The following PSTPIP2 variants were observed in gnomAD, a reference collection of about 807,000 sequenced individuals.
PSTPIP2 encodes proline-serine-threonine phosphatase interacting protein 2, also known as proline-serine-threonine phosphatase-interacting protein 2.
A neutral mutation model predicts 63.3 loss-of-function variants in PSTPIP2; 33 were observed. The ratio of observed to expected loss-of-function variants is 0.52; its 90% CI spans 0.40 to 0.70. The LOEUF is 0.70. PSTPIP2 is among the 30% of genes least tolerant of loss of function. PSTPIP2 has a pLI of 0.00. For synonymous variants in PSTPIP2, 125 were observed against 132.7 expected (o/e 0.94, Z 0.40); for missense variants, 312 against 400.7 (o/e 0.78, Z 1.89).
chr18:46,041,183 T>C (rs1051909902), intron 1 of PSTPIP2: 6 of 404,436 alleles, frequency 1.5e-5, no homozygotes, highest in Non-Finnish European at 2.9e-5. Flanking sequence ...CTGGGAAGCA[T>C]GAAACATGCT....
chr18:45,998,856 A>G lies in PSTPIP2; in HGVS notation c.517-17T>C. 6.2e-7 allele frequency: 1 copy of G among 1,613,872 alleles called. No homozygotes were observed. The highest frequency in any genetic ancestry group is 8.5e-7 in the Non-Finnish European group (1 of 1,180,002). On this transcript the variant is annotated splice_polypyrimidine_tract_variant and intron_variant, in intron 7 of 14. Coordinates refer to ENST00000409746, the MANE Select transcript of PSTPIP2 (RefSeq NM_024430.4). ...CACAAAAAGCTGTGAAAACAAACAAACAAACAAAAAAAGAGCAAGCATTGG... is the reference window on the plus strand; with the variant it reads ...CACAAAAAGCTGTGAAAACAAACAAGCAAACAAAAAAAGAGCAAGCATTGG...
intron 4 of PSTPIP2, among the ~76,000 whole-genome samples, chr18:46,011,743 G>C (rs1007568029): frequency 6.6e-6 from 1 of 152,216 alleles, no homozygotes. Context: ...TCTCTGGGTA[G>C]AAAGATTATT....
intron 14 of PSTPIP2, among the ~76,000 whole-genome samples, chr18:45,987,891 G>A (rs998560447): frequency 3.9e-5 from 6 of 152,146 alleles, no homozygotes; most frequent in Admixed American, 1.3e-4. Flanking sequence ...TTCAGTCCTC[G>A]TCTAAGAATC....
At chr18:46,063,898 T>C (rs926766672) in intron 1 of PSTPIP2, among the ~76,000 whole-genome samples, 1 of 152,188 alleles carries the variant, frequency 6.6e-6, no homozygotes, top group African/African-American at 2.4e-5. Context: ...ACACTGAGAA[T>C]AGGCCCACTC....
At chr18:46,006,733 C>G (rs925415990) in intron 5 of PSTPIP2, among the ~76,000 whole-genome samples, 1 of 152,040 alleles carries the variant, frequency 6.6e-6, no homozygotes, top group Non-Finnish European at 1.5e-5. Flanking sequence ...GGAGTAAATT[C>G]TTTATTGTGG....
intron 3 of PSTPIP2, among the ~76,000 whole-genome samples, chr18:46,020,187 G>A (rs558318254): frequency 3.9e-5 from 6 of 152,284 alleles, no homozygotes; most frequent in South Asian, 2.1e-4. Context: ...GAATGGTGGC[G>A]TAACAACATT....
intron 13 of PSTPIP2, among the ~76,000 whole-genome samples, chr18:45,989,316 A>G (rs1179450119): frequency 6.6e-6 from 1 of 151,982 alleles, no homozygotes; most frequent in Non-Finnish European, 1.5e-5. Flanking sequence ...TTCCCCCACA[A>G]TGTTGTCCTG....
chr18:45,986,890 T>G lies in PSTPIP2; in HGVS notation c.*9-1440A>C, dbSNP rs187234335. Among the ~76,000 whole-genome samples the G allele has an allele frequency of 3.5e-4, 53 of 152,284 alleles. No homozygotes were observed. In the South Asian group the frequency reaches 4.4e-3, roughly 13 times the overall value. On this transcript the variant is annotated intron_variant, in intron 14 of 14. Transcript: ENST00000409746. ...TCTTGCTCTGTCGCCCAGGCTGGAG[T>G]GCAGTGGCGCAATCTCAGCTCACTA...
At chr18:46,004,154 A>G (rs1009098816) in intron 6 of PSTPIP2, among the ~76,000 whole-genome samples, 2 of 152,234 alleles carry the variant, frequency 1.3e-5, no homozygotes, top group Non-Finnish European at 2.9e-5. Flanking sequence ...GGGAAAAATC[A>G]TCTATCAACT....
intron 12 of PSTPIP2, 69 bp from the exon 13 acceptor site, chr18:45,990,825 C>T: frequency 7.5e-7 from 1 of 1,328,472 alleles, no homozygotes; most frequent in Non-Finnish European, 1.1e-6. Context: ...TTACTTCTTG[C>T]TACAAGCCTA....
chr18:46,060,997 C>T (rs1317503791), intron 1 of PSTPIP2, among the ~76,000 whole-genome samples: 2 of 152,076 alleles, frequency 1.3e-5, no homozygotes, highest in Non-Finnish European at 2.9e-5. Flanking sequence ...CCAATAGATG[C>T]ACATTAATAA....
intron 5 of PSTPIP2, among the ~76,000 whole-genome samples, chr18:46,006,476 A>T (rs2051729386): frequency 6.8e-6 from 1 of 147,966 alleles, no homozygotes; most frequent in African/African-American, 2.5e-5. Context: ...GTTTCAAGCG[A>T]GTCTCCTGCC....
rs529327827 is a variant in PSTPIP2 at position 46,005,320 on chromosome 18, A to T, written c.417+149T>A. On this transcript the variant is annotated intron_variant, in intron 6 of 14. Transcript: ENST00000409746. Reference sequence around the variant, plus strand: ...CAACAACAACAAAAAAGAAAACCCAAAGCATTTAAGGTTGTTTTCCCTAAA... The same window carrying T: ...CAACAACAACAAAAAAGAAAACCCATAGCATTTAAGGTTGTTTTCCCTAAA... 6.1e-6 allele frequency: 4 copies of T among 653,706 alleles called. No individual in the cohort carries two copies. In the East Asian group the frequency reaches 1.2e-4, roughly 19 times the overall value. The allele number at this position is 653,706 out of a possible 1,614,324, so 40.5% of individuals were successfully genotyped here.
In PSTPIP2 at chr18:45,984,529, C is replaced by T. The variant is rs2051448465; in HGVS notation, c.*930G>A. The T allele has an allele frequency of 6.6e-6, 1 of 152,132 alleles. No homozygotes were observed. Among genetic ancestry groups the T allele is most frequent in the Non-Finnish European group, 1.5e-5 (1 of 68,018 alleles). 9.4% of individuals were successfully genotyped at this position (152,132 alleles called of 1,614,324 possible). A position where few individuals can be genotyped will look rare whatever the true frequency, so the allele number is the denominator to read the frequency against. ...GGAATGGAATCAAAATATGGTATTTCATTGATTCTAAGATGTATTTTTTTC... is the reference window on the plus strand; with the variant it reads ...GGAATGGAATCAAAATATGGTATTTTATTGATTCTAAGATGTATTTTTTTC... On this transcript the variant is annotated 3_prime_UTR_variant, in exon 15 of 15. Transcript: ENST00000409746.
rs780195895 is a variant in PSTPIP2, at chr18:46,029,773, G to A, written c.135-5087C>T. On this transcript the variant is annotated intron_variant, in intron 2 of 14. Coordinates refer to ENST00000409746, the MANE Select transcript of PSTPIP2 (RefSeq NM_024430.4). ...AAAGAAAACTATTTCTCATGTTTAC[G>A]CCATGGAATTTTCTCTCAGAGGTGG... 1.6e-4 allele frequency: 84 copies of A among 539,210 alleles called. 2 individuals are homozygous for A. The highest frequency in any genetic ancestry group is 1.2e-3 in the South Asian group (61 of 51,816). The allele number at this position is 539,210 out of a possible 1,614,324, so 33.4% of individuals were successfully genotyped here.
At chr18:46,067,148 C>G (rs1909220245) in intron 1 of PSTPIP2, among the ~76,000 whole-genome samples, 1 of 152,118 alleles carries the variant, frequency 6.6e-6, no homozygotes, top group Non-Finnish European at 1.5e-5. Flanking sequence ...CCTTTTGCCA[C>G]TAGGCAAGAC....
At position 45,995,669 on chromosome 18, in the gene PSTPIP2, G is replaced by T. The variant is rs568035565; in HGVS notation, c.643-1966C>A. Among the ~76,000 whole-genome samples, 4 of 152,340 alleles carry T rather than the reference G, an allele frequency of 2.6e-5. No individual in the cohort carries two copies. In the South Asian group the frequency reaches 8.3e-4, roughly 32 times the overall value. ...TCTGGTGCCCTCCAAGACAGCAGCT[G>T]CAGGGAAGCAAATCCCAGATGCTGC... On this transcript the variant is annotated intron_variant, in intron 9 of 14. Coordinates refer to ENST00000409746, the MANE Select transcript of PSTPIP2 (RefSeq NM_024430.4).
chr18:46,010,300 C>T (rs1225130185), intron 5 of PSTPIP2, among the ~76,000 whole-genome samples: 1 of 152,164 alleles, frequency 6.6e-6, no homozygotes, highest in African/African-American at 2.4e-5. Context: ...GAAAGGTTTC[C>T]AAAGGGACCC....
chr18:45,991,878 A>G, intron 12 of PSTPIP2, 24 bp downstream of exon 12: 3 of 1,548,160 alleles, frequency 1.9e-6, no homozygotes, highest in Non-Finnish European at 2.7e-6. Flanking sequence ...ATTTTTCTTC[A>G]TATGAAAGGC....
Sources: gnomAD v4.1 joint callset for allele counts (sites outside exome capture counted in the v4.1 genomes callset) on GRCh38, gnomAD v4.1.1 for gene constraint, MANE v1.5 for transcripts, NCBI Gene and HGNC (gene_info 2026-07-23, HGNC 2026-07-21) for gene names.